Variants in SHISA6 observed in about 807,000 individuals in gnomAD.
SHISA6 encodes protein shisa-6.
A neutral mutation model predicts 47.9 loss-of-function variants in SHISA6; 22 were observed. The ratio of observed to expected loss-of-function variants is 0.46; its 90% CI spans 0.33 to 0.66. The LOEUF is 0.66. Among genes scored for constraint, SHISA6 ranks in the 30% least tolerant of loss-of-function variants. The pLI, the probability that SHISA6 is intolerant of heterozygous loss-of-function variation, is 0.02. For missense variants in SHISA6, 680 were observed against 764.6 expected (o/e 0.89, Z 1.30); for synonymous variants, 388 against 337.8 (o/e 1.15, Z -1.63).
rs1228342658 is a variant in SHISA6 at position 11,563,319 on chromosome 17, T to C, written c.*5015T>C. ...CCAACTGGAGGAGGAGGCATCTCCATCTGGGCTGCTAGGAAGGGGCACTCA... is the reference window on the plus strand; with the variant it reads ...CCAACTGGAGGAGGAGGCATCTCCACCTGGGCTGCTAGGAAGGGGCACTCA... On this transcript the variant is annotated 3_prime_UTR_variant, in exon 6 of 6. Transcript: ENST00000441885. 1 of 152,226 alleles carries C rather than the reference T, an allele frequency of 6.6e-6. No homozygotes were observed. Among genetic ancestry groups the C allele is most frequent in the African/African-American group, 2.4e-5 (1 of 41,454 alleles). The allele number at this position is 152,226 out of a possible 1,614,324, so 9.4% of individuals were successfully genotyped here.
At chr17:11,263,299 C>T in intron 1 of SHISA6, 67 bp from the exon 2 acceptor site, 5 of 1,505,000 alleles carry the variant, frequency 3.3e-6, no homozygotes, top group Non-Finnish European at 4.5e-6. Context: ...TGAAAGTAAG[C>T]CAACTCCCCT....
intron 3 of SHISA6, among the ~76,000 whole-genome samples, chr17:11,415,932 T>G (rs1914267460): frequency 6.6e-6 from 1 of 152,178 alleles, no homozygotes; most frequent in Admixed American, 6.5e-5. Context: ...AAGCCCAGGA[T>G]CGAGGTGATA....
intron 3 of SHISA6, among the ~76,000 whole-genome samples, chr17:11,522,149 T>C (rs2071635131): frequency 6.6e-6 from 1 of 151,624 alleles, no homozygotes; most frequent in Admixed American, 6.6e-5. Flanking sequence ...GTATTTTTAG[T>C]AGAGACGGGG....
chr17:11,436,086 G>A (rs1453962369), intron 3 of SHISA6, among the ~76,000 whole-genome samples: 1 of 152,136 alleles, frequency 6.6e-6, no homozygotes, highest in Non-Finnish European at 1.5e-5. Flanking sequence ...AATGTCAAGG[G>A]CCATAGGCTG....
At chr17:11,470,019 T>C (rs776686426) in intron 3 of SHISA6, among the ~76,000 whole-genome samples, 1 of 152,198 alleles carries the variant, frequency 6.6e-6, no homozygotes, top group Non-Finnish European at 1.5e-5. Context: ...TCTCTTTCTC[T>C]GAGCATGCAC....
intron 2 of SHISA6, among the ~76,000 whole-genome samples, chr17:11,370,939 A>T (rs1490490181): frequency 6.6e-6 from 1 of 152,176 alleles, no homozygotes. Context: ...TTCCGCCAGC[A>T]GCAGTGTAGG....
chr17:11,327,801 C>G (rs1039342905), intron 2 of SHISA6, among the ~76,000 whole-genome samples: 1 of 151,996 alleles, frequency 6.6e-6, no homozygotes, highest in Non-Finnish European at 1.5e-5. Flanking sequence ...CATCTCAAAA[C>G]AAAACAAAAC....
chr17:11,297,158 G>T (rs1010036093), intron 2 of SHISA6, among the ~76,000 whole-genome samples: 1 of 152,078 alleles, frequency 6.6e-6, no homozygotes. Context: ...TCTTATAGAT[G>T]GAAGACACCA....
chr17:11,353,626 C>G (rs967548368), intron 2 of SHISA6, among the ~76,000 whole-genome samples: 1 of 152,132 alleles, frequency 6.6e-6, no homozygotes, highest in Non-Finnish European at 1.5e-5. Context: ...TAGAAAAACC[C>G]TGGGAACAGG....
intron 2 of SHISA6, among the ~76,000 whole-genome samples, chr17:11,325,666 C>G (rs1393133132): frequency 1.4e-5 from 2 of 145,286 alleles, no homozygotes; most frequent in African/African-American, 5.1e-5. Flanking sequence ...TCTAGAGAAG[C>G]AAAATAATTG....
At chr17:11,446,373 T>G (rs1359576628) in intron 3 of SHISA6, among the ~76,000 whole-genome samples, 1 of 152,198 alleles carries the variant, frequency 6.6e-6, no homozygotes, top group Non-Finnish European at 1.5e-5. Flanking sequence ...GGAATCGTCC[T>G]CAAAGACACA....
At chr17:11,242,703 A>T (rs1907415831) in intron 1 of SHISA6, among the ~76,000 whole-genome samples, 1 of 152,150 alleles carries the variant, frequency 6.6e-6, no homozygotes, top group Non-Finnish European at 1.5e-5. Flanking sequence ...CTGTAGGCAG[A>T]ACTCTGAGTT....
At chr17:11,457,611 TG>T (rs1915574643) in intron 3 of SHISA6, among the ~76,000 whole-genome samples, 1 of 151,382 alleles carries the variant, frequency 6.6e-6, no homozygotes, top group African/African-American at 2.4e-5. Context: ...TATGGTGGCA[TG>T]TACCTGTAGT....
At chr17:11,489,262 CT>C (rs1207226934) in intron 3 of SHISA6, among the ~76,000 whole-genome samples, 4 of 152,140 alleles carry the variant, frequency 2.6e-5, no homozygotes, top group African/African-American at 7.2e-5. Flanking sequence ...TCTTTCTCTT[CT>C]GCTTTCATGT....
rs1392646298 is a variant in SHISA6 at position 11,551,964 on chromosome 17, T to C, written c.952+12T>C. On this transcript the variant is annotated intron_variant, in intron 4 of 5. Coordinates refer to ENST00000441885, the MANE Select transcript of SHISA6 (RefSeq NM_207386.4). The stretch of plus-strand genomic sequence containing the variant: ...GATCCCGCCACATGGTGAGAGATGA[T>C]TGAGAGCACTCTGCATTTCCTCCTT... 1.9e-6 allele frequency: 3 copies of C among 1,551,494 alleles called. No homozygotes were observed. Among genetic ancestry groups the C allele is most frequent in the Non-Finnish European group, 2.6e-6 (3 of 1,146,820 alleles).
In SHISA6 at chr17:11,515,332, G is replaced by T. The variant is rs945770002; in HGVS notation, c.896-36564G>T. On this transcript the variant is annotated intron_variant, in intron 3 of 5. Transcript: ENST00000441885. Reference sequence around the variant, plus strand: ...AAAGAAAAAGGAAGGAAGGAAGGAAGGAAGGAAGGAAGGAAGGAAGGAAGG... The same window carrying T: ...AAAGAAAAAGGAAGGAAGGAAGGAATGAAGGAAGGAAGGAAGGAAGGAAGG... Among the ~76,000 whole-genome samples, 209 of 132,410 alleles carry T rather than the reference G, an allele frequency of 1.6e-3. 1 individual carries two copies. Among genetic ancestry groups the T allele is most frequent in the Middle Eastern group, 8.5e-3 (2 of 236 alleles). The allele number at this position is 132,410 out of a possible 152,430, so 86.9% of individuals were successfully genotyped here.
At chr17:11,412,431 G>A (rs1363056928) in intron 3 of SHISA6, among the ~76,000 whole-genome samples, 1 of 151,966 alleles carries the variant, frequency 6.6e-6, no homozygotes, top group Non-Finnish European at 1.5e-5. Flanking sequence ...TTTATTTCTT[G>A]GTAAGAAACA....
Position 11,517,288 on chromosome 17 carries a change from G to A in SHISA6, c.896-34608G>A, listed in dbSNP as rs145413650. 2.6e-5 allele frequency among the ~76,000 whole-genome samples: 4 copies of A among 152,222 alleles called. No homozygotes were observed. In the East Asian group the frequency reaches 7.7e-4, roughly 29 times the overall value. On this transcript the variant is annotated intron_variant, in intron 3 of 5. Transcript: ENST00000441885. ...ACATTACTGAATCCACTTGTTGCAA[G>A]AGAAAAGGAGCAGGTAGGGGAATAG...
chr17:11,387,723 G>A (rs1054817140), intron 3 of SHISA6, among the ~76,000 whole-genome samples: 6 of 152,158 alleles, frequency 3.9e-5, no homozygotes, highest in Non-Finnish European at 7.3e-5. Flanking sequence ...AATGGCCAGG[G>A]ACTAACCATT....
Sources: allele counts gnomAD v4.1 joint callset (sites outside exome capture counted in the v4.1 genomes callset), GRCh38; gene constraint gnomAD v4.1.1; transcripts MANE v1.5; gene names NCBI Gene and HGNC (gene_info 2026-07-23, HGNC 2026-07-21).